Variants in ATP6V0D1 observed in about 807,000 individuals in gnomAD.
The protein encoded by ATP6V0D1 is ATPase H+ transporting V0 subunit d1.
In ATP6V0D1, 13 loss-of-function variants were observed where a neutral mutation model predicts 39.0. The ratio of observed to expected loss-of-function variants is 0.33; its 90% CI spans 0.22 to 0.53. The LOEUF (loss-of-function observed/expected upper bound fraction) is 0.53, where lower values mean the gene tolerates loss of function less well. ATP6V0D1 is among the 20% of genes least tolerant of loss of function. ATP6V0D1 has a pLI of 0.94. For missense variants in ATP6V0D1, 272 were observed against 470.9 expected (o/e 0.58, Z 3.91); for synonymous variants, 191 against 191.2 (o/e 1.00, Z 0.01).
intron 2 of ATP6V0D1, among the ~76,000 whole-genome samples, chr16:67,451,201 G>A (rs998461486): frequency 1.1e-4 from 17 of 152,176 alleles, no homozygotes; most frequent in Non-Finnish European, 2.2e-4. Context: ...TGGAGGTAGG[G>A]GGAGAGCGGC....
intron 1 of ATP6V0D1, 140 bp downstream of exon 1, chr16:67,480,817 C>T (rs1041281408): frequency 1.2e-5 from 15 of 1,261,282 alleles, no homozygotes; most frequent in Non-Finnish European, 1.6e-5. Context: ...CCCGCTCCTG[C>T]GCGTCCGCTA....
At chr16:67,477,982 A>G (rs1204559671) in intron 1 of ATP6V0D1, among the ~76,000 whole-genome samples, 1 of 152,176 alleles carries the variant, frequency 6.6e-6, no homozygotes, top group Admixed American at 6.5e-5. Flanking sequence ...AAACAGTTTT[A>G]AAGAGAAAAG....
chr16:67,476,029 A>G (rs2041411754), intron 1 of ATP6V0D1, among the ~76,000 whole-genome samples: 1 of 152,164 alleles, frequency 6.6e-6, no homozygotes, highest in African/African-American at 2.4e-5. Flanking sequence ...CAGGAGTTCA[A>G]GACCAGCCTG....
At chr16:67,462,982 CAGTT>C (rs2142324018) in intron 1 of ATP6V0D1, among the ~76,000 whole-genome samples, 1 of 152,272 alleles carries the variant, frequency 6.6e-6, no homozygotes, top group East Asian at 1.9e-4. Context: ...GGGGCTCACT[CAGTT>C]GGAGGTGGAG....
At chr16:67,471,662 A>T (rs1032329784) in intron 1 of ATP6V0D1, among the ~76,000 whole-genome samples, 25 of 151,814 alleles carry the variant, frequency 1.6e-4, no homozygotes, top group Admixed American at 8.5e-4. Context: ...TTTCTTTTTT[A>T]AAAAAAATTA....
chr16:67,475,353 A>G (rs1017331618), intron 1 of ATP6V0D1, among the ~76,000 whole-genome samples: 8 of 152,216 alleles, frequency 5.3e-5, no homozygotes, highest in Non-Finnish European at 1.2e-4. Flanking sequence ...CTTCCTGCAT[A>G]AAATTGTCTC....
rs2041204505 is a variant in ATP6V0D1, at chr16:67,453,489, C to A, written c.302+55G>T. 3 of 1,591,040 alleles carry A rather than the reference C, an allele frequency of 1.9e-6. No homozygotes were observed. In the Admixed American group the frequency reaches 5.1e-5, roughly 27 times the overall value. ...TAAGCCACACTGAACCCAGCTCCTG[C>A]AGGTGTAGCTATCCTGCCCAGGTAA... On this transcript the variant is annotated intron_variant, in intron 2 of 7. Coordinates refer to ENST00000290949, the MANE Select transcript of ATP6V0D1 (RefSeq NM_004691.5). This position sits in a 1 kb window ranked among gnomAD's most constrained non-coding sequence, Gnocchi z 4.1.
chr16:67,452,295 G>A (rs2041189739), intron 2 of ATP6V0D1: 1 of 1,535,640 alleles, frequency 6.5e-7, no homozygotes, highest in African/African-American at 1.4e-5. Context: ...GTGGCCAGGA[G>A]AGGGCCTGCT....
chr16:67,475,984 C>T (rs1181322285), intron 1 of ATP6V0D1, among the ~76,000 whole-genome samples: 1 of 152,156 alleles, frequency 6.6e-6, no homozygotes, highest in Non-Finnish European at 1.5e-5. Context: ...AATCCCAGCA[C>T]TTTGGGAGGC....
chr16:67,467,398 G>A (rs2041339114), intron 1 of ATP6V0D1, among the ~76,000 whole-genome samples: 1 of 152,094 alleles, frequency 6.6e-6, no homozygotes, highest in Non-Finnish European at 1.5e-5. Context: ...CCAGTTACTT[G>A]GGAGGCTAAG....
intron 1 of ATP6V0D1, among the ~76,000 whole-genome samples, chr16:67,470,832 C>T (rs1368347629): frequency 6.6e-6 from 1 of 152,076 alleles, no homozygotes; most frequent in Non-Finnish European, 1.5e-5. Context: ...AAGCCAGCAG[C>T]CTGACTTCTA....
chr16:67,458,818 C>T (rs570117253), intron 1 of ATP6V0D1: 47 of 155,136 alleles, frequency 3.0e-4, no homozygotes, highest in Non-Finnish European at 4.4e-4. Context: ...CCTCAGTCTG[C>T]ACCCCAGGAC....
rs552039772 is a variant in ATP6V0D1 at position 67,478,570 on chromosome 16, C to T, written c.130+2387G>A. Among the ~76,000 whole-genome samples the T allele has an allele frequency of 5.0e-4, 74 of 148,696 alleles. No homozygotes were observed. The East Asian group carries it at 5.7e-3, about 11-fold the overall frequency. On this transcript the variant is annotated intron_variant, in intron 1 of 7. Transcript: ENST00000290949. ...TGGAGGTTGCAGTGAGCGGAGATCG[C>T]GCCACTGCACTCCAGCCTGGGTGAC... is the stretch of plus-strand genomic sequence containing the variant.
At chr16:67,474,488 T>C (rs2041399682) in intron 1 of ATP6V0D1, among the ~76,000 whole-genome samples, 1 of 152,238 alleles carries the variant, frequency 6.6e-6, no homozygotes, top group Non-Finnish European at 1.5e-5. Context: ...CAAAACCAAA[T>C]GGAAGGCTGA....
chr16:67,457,176 TGTACG>T, intron 1 of ATP6V0D1: 1 of 194,682 alleles, frequency 5.1e-6, no homozygotes. Flanking sequence ...ACACATGGGC[TGTACG>T]GTGTACTCAT....
chr16:67,454,824 C>T (rs574059816), intron 1 of ATP6V0D1: 1 of 152,398 alleles, frequency 6.6e-6, no homozygotes, highest in South Asian at 2.1e-4. Context: ...ACCTCTCTGA[C>T]TTAGGTCCTG....
chr16:67,460,975 T>C (rs2041285001), intron 1 of ATP6V0D1, among the ~76,000 whole-genome samples: 1 of 152,240 alleles, frequency 6.6e-6, no homozygotes, highest in South Asian at 2.1e-4. Flanking sequence ...ACCAGGCCCC[T>C]GGCCAGTCAC....
At chr16:67,454,558 T>A (rs2041217817) in intron 1 of ATP6V0D1, 1 of 149,000 alleles carries the variant, frequency 6.7e-6, no homozygotes, top group East Asian at 1.9e-4. Flanking sequence ...TTTTGTTTTT[T>A]GTTTGTTTGT....
At chr16:67,452,297 G>A (rs1250615949) in intron 2 of ATP6V0D1, 3 of 1,535,710 alleles carry the variant, frequency 2.0e-6, no homozygotes, top group Admixed American at 3.9e-5. Flanking sequence ...GGCCAGGAGA[G>A]GGCCTGCTTC....
Sources: gnomAD v4.1 joint callset for allele counts (sites outside exome capture counted in the v4.1 genomes callset) on GRCh38, gnomAD v4.1.1 for gene constraint, Gnocchi (gnomAD v3.1) non-coding constraint, MANE v1.5 for transcripts, NCBI Gene and HGNC (gene_info 2026-07-23, HGNC 2026-07-21) for gene names.